Variants in EVI5 observed in about 807,000 individuals in gnomAD.
EVI5 encodes ecotropic viral integration site 5.
In EVI5, 73 loss-of-function variants were observed where a neutral mutation model predicts 112.0. The observed-to-expected ratio is 0.65, with a 90% confidence interval of 0.54 to 0.79. The LOEUF is 0.79. Ranked by LOEUF, EVI5 falls within the 30% of genes least tolerant of loss-of-function variation. EVI5 has a pLI of 0.00. For missense variants in EVI5, 900 were observed against 968.8 expected, an observed-to-expected ratio of 0.93 and a Z score of 0.94; for synonymous variants, 305 against 319.9, an observed-to-expected ratio of 0.95 and a Z score of 0.50.
intron 1 of EVI5, among the ~76,000 whole-genome samples, chr1:92,758,571 CA>C (rs11369948): frequency 1.8e-4 from 23 of 129,292 alleles, no homozygotes; most frequent in East Asian, 2.2e-4. Context: ...CCCTGTCTCA[CA>C]AAAAAAAAAA....
chr1:92,661,535 C>G (rs907104904), intron 13 of EVI5, among the ~76,000 whole-genome samples: 3 of 152,074 alleles, frequency 2.0e-5, no homozygotes, highest in African/African-American at 7.2e-5. Flanking sequence ...TAACTTATTT[C>G]AGGTAAATTC....
At position 92,780,541 on chromosome 1, in the gene EVI5, G is replaced by C. The variant is rs149828409; in HGVS notation, c.-82+4295C>G. On this transcript the variant is annotated intron_variant, in intron 1 of 19. Coordinates refer to ENST00000684568, the MANE Select transcript of EVI5 (RefSeq NM_001350197.2). ...ATTAATACAGTGATATTAGTGCAAG[G>C]ATGACAAATATACAAATAGAACAAA... 2.0e-5 allele frequency among the ~76,000 whole-genome samples: 3 copies of C among 152,266 alleles called. No homozygotes were observed. The East Asian group carries it at 5.8e-4, about 29-fold the overall frequency.
intron 19 of EVI5, among the ~76,000 whole-genome samples, chr1:92,559,773 C>CAAAAAAAAAAAAAAAAAAAAAAAAAAA (rs34723950): frequency 2.1e-5 from 1 of 47,502 alleles, no homozygotes; most frequent in Non-Finnish European, 3.7e-5. Context: ...GACTCCCTCT[C>CAAAAAAAAAAAAAAAAAAAAAAAAAAA]AAAAAAAAAA....
At chr1:92,553,738 T>C (rs907558300) in intron 19 of EVI5, among the ~76,000 whole-genome samples, 1 of 152,220 alleles carries the variant, frequency 6.6e-6, no homozygotes, top group African/African-American at 2.4e-5. Context: ...CCTGCCCCTG[T>C]ATGTGATTAT....
upstream of EVI5, chr1:92,785,117 G>A (rs367986146): frequency 1.1e-5 from 11 of 985,304 alleles, no homozygotes; most frequent in African/African-American, 1.6e-4. Flanking sequence ...CCAAGGCGCA[G>A]GCGCGGGAGG....
intron 1 of EVI5, among the ~76,000 whole-genome samples, chr1:92,745,133 T>C (rs1049350492): frequency 6.7e-6 from 1 of 149,372 alleles, no homozygotes; most frequent in Non-Finnish European, 1.5e-5. Flanking sequence ...GAGACAGGGT[T>C]TCACCATGTT....
intron 9 of EVI5, among the ~76,000 whole-genome samples, chr1:92,685,650 A>G (rs1425678768): frequency 6.6e-6 from 1 of 152,138 alleles, no homozygotes; most frequent in Non-Finnish European, 1.5e-5. Context: ...ATAGACCACT[A>G]GCAACACTAA....
chr1:92,586,610 GT>G (rs1672842566), intron 18 of EVI5, among the ~76,000 whole-genome samples: 1 of 99,750 alleles, frequency 1.0e-5, no homozygotes, highest in African/African-American at 5.9e-5. Flanking sequence ...TTTTGGCTGT[GT>G]GTGTGTGTGT....
chr1:92,554,383 C>T (rs1003939877), intron 19 of EVI5, among the ~76,000 whole-genome samples: 3 of 152,186 alleles, frequency 2.0e-5, no homozygotes, highest in Admixed American at 2.0e-4. Flanking sequence ...GCATGAGTTC[C>T]ATCTCAGCTA....
chr1:92,749,295 A>G, intron 1 of EVI5: 1 of 276,618 alleles, frequency 3.6e-6, no homozygotes, highest in Non-Finnish European at 7.0e-6. Flanking sequence ...CAGCCATGGT[A>G]TAGAGCTCTC....
intron 1 of EVI5, among the ~76,000 whole-genome samples, chr1:92,741,449 T>C (rs749690970): frequency 8.5e-5 from 13 of 152,218 alleles, no homozygotes; most frequent in Non-Finnish European, 1.2e-4. Context: ...ATTTTTGAGA[T>C]TTCTTGAATC....
rs1659257311 is a variant in EVI5, at chr1:92,512,654, G to A, written c.*1002C>T. ...TGTCTGTAGTTAACCTACTACTCTA[G>A]TAACCAACACATGGAAGCATCATAT... On this transcript the variant is annotated 3_prime_UTR_variant, in exon 20 of 20. Transcript: ENST00000684568. The A allele has an allele frequency of 6.6e-6, 1 of 152,096 alleles. No individual in the cohort carries two copies. Among genetic ancestry groups the A allele is most frequent in the Admixed American group, 6.5e-5 (1 of 15,276 alleles). The allele number at this position is 152,096 out of a possible 1,614,324, so 9.4% of individuals were successfully genotyped here.
At chr1:92,723,874 C>T (rs1227359434) in intron 2 of EVI5, among the ~76,000 whole-genome samples, 2 of 152,110 alleles carry the variant, frequency 1.3e-5, no homozygotes, top group East Asian at 1.9e-4. Context: ...GGTCTATGAA[C>T]GGCTGCTCTG....
chr1:92,694,545 G>A (rs1670003052), intron 7 of EVI5, among the ~76,000 whole-genome samples, 157 bp from the exon 8 acceptor site: 1 of 152,126 alleles, frequency 6.6e-6, no homozygotes, highest in Admixed American at 6.5e-5. Context: ...TTTAGGTTTG[G>A]TGGGCTATAT....
At chr1:92,744,538 T>A (rs1173056438) in intron 1 of EVI5, among the ~76,000 whole-genome samples, 1 of 152,096 alleles carries the variant, frequency 6.6e-6, no homozygotes, top group Non-Finnish European at 1.5e-5. Context: ...CTGATAATTC[T>A]CCTTCTTAAG....
intron 6 of EVI5, among the ~76,000 whole-genome samples, chr1:92,697,610 G>A (rs1179990921): frequency 6.6e-6 from 1 of 152,176 alleles, no homozygotes; most frequent in African/African-American, 2.4e-5. Flanking sequence ...TAGGTAAGGG[G>A]TGTATAGTAC....
Position 92,569,913 on chromosome 1 carries a change from GTAATA to G in EVI5, c.2071-6181_2071-6177del, listed in dbSNP as rs1419032503. 6.2e-5 allele frequency among the ~76,000 whole-genome samples: 9 copies of G among 145,250 alleles called. 1 individual carries two copies. The highest frequency in any genetic ancestry group is 4.1e-4 in the Admixed American group (6 of 14,728). On this transcript the variant is annotated intron_variant, in intron 18 of 19. Transcript: ENST00000684568. Reference sequence around the variant, plus strand: ...AAAGGCACAGAATAAGAACAAAAGAGTAATATAAGAAAGATAAACTCACCATTAAA... The same window carrying G: ...AAAGGCACAGAATAAGAACAAAAGAGTAAGAAAGATAAACTCACCATTAAA...
At chr1:92,757,511 T>C (rs1034683023) in intron 1 of EVI5, among the ~76,000 whole-genome samples, 1 of 152,136 alleles carries the variant, frequency 6.6e-6, no homozygotes, top group Non-Finnish European at 1.5e-5. Context: ...AAAAAAAATT[T>C]AGATGATTCT....
chr1:92,621,341 C>T (rs1439435856), intron 16 of EVI5, among the ~76,000 whole-genome samples: 1 of 152,212 alleles, frequency 6.6e-6, no homozygotes, highest in Non-Finnish European at 1.5e-5. Context: ...TGGAGTCTTG[C>T]TCCGTCACCC....
Sources: gnomAD v4.1 joint callset for allele counts (sites outside exome capture counted in the v4.1 genomes callset) on GRCh38, gnomAD v4.1.1 for gene constraint, MANE v1.5 for transcripts, NCBI Gene and HGNC (gene_info 2026-07-23, HGNC 2026-07-21) for gene names.